The following PLPPR1 variants were observed in gnomAD, a reference collection of about 807,000 sequenced individuals.
The protein encoded by PLPPR1 is phospholipid phosphatase related 1.
Under a neutral mutation model 33.1 loss-of-function variants are expected in PLPPR1, and 10 were observed. The observed-to-expected ratio is 0.30, with a 90% confidence interval of 0.19 to 0.51. The LOEUF is 0.51. PLPPR1 is among the 20% of genes least tolerant of loss of function. PLPPR1 has a pLI of 0.97. For missense variants in PLPPR1, 304 were observed against 408.1 expected (o/e 0.74, Z 2.20); for synonymous variants, 151 against 151.0 (o/e 1.00, Z 0.00).
At chr9:101,241,698 G>A (rs562324813) in intron 2 of PLPPR1, among the ~76,000 whole-genome samples, 36 of 152,048 alleles carry the variant, frequency 2.4e-4, no homozygotes, top group Non-Finnish European at 3.8e-4. Context: ...TGAGGTAGAC[G>A]ACCCTGAAGG....
At chr9:101,218,583 G>C (rs368365908) in intron 2 of PLPPR1, among the ~76,000 whole-genome samples, 5 of 152,302 alleles carry the variant, frequency 3.3e-5, no homozygotes, top group Middle Eastern at 3.4e-3. Flanking sequence ...AGGGCATAGT[G>C]CAGTGCTTTG....
At chr9:101,253,259 C>A (rs1322710432) in intron 2 of PLPPR1, among the ~76,000 whole-genome samples, 1 of 151,672 alleles carries the variant, frequency 6.6e-6, no homozygotes. Flanking sequence ...ACGAAGAATG[C>A]ATTAGTGGCC....
At chr9:101,077,248 T>C (rs1297867402) in intron 1 of PLPPR1, among the ~76,000 whole-genome samples, 1 of 152,198 alleles carries the variant, frequency 6.6e-6, no homozygotes, top group Non-Finnish European at 1.5e-5. Context: ...TTCTTAGGAC[T>C]AGACAGGATT....
rs150685710 is a variant in PLPPR1 at position 101,300,305 on chromosome 9, C to T, written c.386-8906C>T. ...CCTCCCACCTCAGTCTCCTGAGTAG[C>T]CGGGAGCACAGGCACACACCACCAC... is the stretch of plus-strand genomic sequence containing the variant. On this transcript the variant is annotated intron_variant, in intron 4 of 7. Transcript: ENST00000374874. 5.5e-3 allele frequency among the ~76,000 whole-genome samples: 834 copies of T among 152,132 alleles called. 9 individuals carry two copies. The highest frequency in any genetic ancestry group is 7.3e-3 in the Non-Finnish European group (497 of 67,994).
chr9:101,185,604 C>T, intron 2 of PLPPR1, 47 bp downstream of exon 2: 1 of 1,205,304 alleles, frequency 8.3e-7, no homozygotes, highest in Non-Finnish European at 1.2e-6. Context: ...ATAAAAGTAA[C>T]AGTTTTTATT....
At position 101,082,767 on chromosome 9, in the gene PLPPR1, G is replaced by T. The variant is rs79917541; in HGVS notation, c.-46+53665G>T. Among the ~76,000 whole-genome samples, 1,046 of 152,176 alleles carry T rather than the reference G, an allele frequency of 6.9e-3. 12 individuals are homozygous for T. The highest frequency in any genetic ancestry group is 0.024 in the African/African-American group (1,010 of 41,504). ...TGGGCTTTGGGGAGAGATAAACCTG[G>T]GTCTAAATGTGTGTGACTTGGATCA... is the stretch of plus-strand genomic sequence containing the variant. On this transcript the variant is annotated intron_variant, in intron 1 of 7. Transcript: ENST00000374874.
At chr9:101,109,238 T>TGCTG (rs1831020212) in intron 1 of PLPPR1, among the ~76,000 whole-genome samples, 1 of 149,892 alleles carries the variant, frequency 6.7e-6, no homozygotes, top group Non-Finnish European at 1.5e-5. Flanking sequence ...CCTCCCAAAG[T>TGCTG]GCTGGGATTA....
chr9:101,260,502 G>A (rs1160727667), intron 2 of PLPPR1, among the ~76,000 whole-genome samples: 1 of 152,134 alleles, frequency 6.6e-6, no homozygotes, highest in Non-Finnish European at 1.5e-5. Flanking sequence ...CAACTGACCA[G>A]GTATGGCGTG....
intron 1 of PLPPR1, among the ~76,000 whole-genome samples, chr9:101,181,424 T>G (rs934921541): frequency 2.6e-5 from 4 of 150,950 alleles, no homozygotes; most frequent in African/African-American, 9.7e-5. Flanking sequence ...GAAAACTAAG[T>G]ATATAATTTA....
At chr9:101,210,960 G>A (rs190361428) in intron 2 of PLPPR1, among the ~76,000 whole-genome samples, 1 of 152,174 alleles carries the variant, frequency 6.6e-6, no homozygotes, top group East Asian at 1.9e-4. Context: ...GTAGAAACGG[G>A]GTTTCACCAT....
At chr9:101,053,997 A>G in intron 1 of PLPPR1, among the ~76,000 whole-genome samples, 1 of 152,090 alleles carries the variant, frequency 6.6e-6, no homozygotes. Context: ...CAGCCTGGCC[A>G]ACATAGTGAA....
intron 2 of PLPPR1, among the ~76,000 whole-genome samples, chr9:101,186,912 G>C (rs2118719991): frequency 6.6e-6 from 1 of 151,826 alleles, no homozygotes; most frequent in Non-Finnish European, 1.5e-5. Context: ...TATCTGAATG[G>C]GTAAACAAAG....
chr9:101,185,481 A>T lies in PLPPR1; in HGVS notation c.-14A>T. 3 of 1,579,432 alleles carry T rather than the reference A, an allele frequency of 1.9e-6. No individual in the cohort carries two copies. Among genetic ancestry groups the T allele is most frequent in the Non-Finnish European group, 2.6e-6 (3 of 1,150,284 alleles). ...CAGTTTTTGACGGTGCAGTCTTGCTATATGGTGTGAGAAATGGCTGTAGGA... is the reference window on the plus strand; with the variant it reads ...CAGTTTTTGACGGTGCAGTCTTGCTTTATGGTGTGAGAAATGGCTGTAGGA... On this transcript the variant is annotated 5_prime_UTR_variant, in exon 2 of 8. Transcript: ENST00000374874.
At chr9:101,322,990 C>A (rs1343855332) in intron 7 of PLPPR1, among the ~76,000 whole-genome samples, 1 of 152,092 alleles carries the variant, frequency 6.6e-6, no homozygotes, top group Non-Finnish European at 1.5e-5. Context: ...ACAAACCCCC[C>A]AAAAATTCTA....
chr9:101,250,424 T>G (rs1373750718), intron 2 of PLPPR1, among the ~76,000 whole-genome samples: 1 of 152,056 alleles, frequency 6.6e-6, no homozygotes, highest in Non-Finnish European at 1.5e-5. Flanking sequence ...ATCCATTACA[T>G]TCTTAAAGTT....
chr9:101,290,029 G>A (rs145287460), intron 4 of PLPPR1, among the ~76,000 whole-genome samples: 31 of 152,272 alleles, frequency 2.0e-4, no homozygotes, highest in Middle Eastern at 3.4e-3. Flanking sequence ...TTTCCTGTAG[G>A]AGGGGTGAAG....
At chr9:101,159,198 C>A (rs1468468377) in intron 1 of PLPPR1, among the ~76,000 whole-genome samples, 1 of 152,096 alleles carries the variant, frequency 6.6e-6, no homozygotes, top group African/African-American at 2.4e-5. Context: ...AGTGGGGAAA[C>A]AAGCCCCCAG....
At chr9:101,094,816 C>G (rs1830793801) in intron 1 of PLPPR1, among the ~76,000 whole-genome samples, 1 of 152,148 alleles carries the variant, frequency 6.6e-6, no homozygotes, top group Non-Finnish European at 1.5e-5. Flanking sequence ...GCCACTGTGT[C>G]ACCAACCCAC....
intron 1 of PLPPR1, among the ~76,000 whole-genome samples, chr9:101,114,615 C>G (rs942190850): frequency 6.6e-6 from 1 of 152,164 alleles, no homozygotes; most frequent in Non-Finnish European, 1.5e-5. Context: ...TGATGTGACT[C>G]GCACAGGCCA....
Sources: gnomAD v4.1 joint callset for allele counts (sites outside exome capture counted in the v4.1 genomes callset) on GRCh38, gnomAD v4.1.1 for gene constraint, MANE v1.5 for transcripts, NCBI Gene and HGNC (gene_info 2026-07-23, HGNC 2026-07-21) for gene names.